LIN54: variants seen among roughly 807,000 people sequenced by gnomAD.
LIN54 encodes lin-54 DREAM MuvB core complex component.
Under a neutral mutation model 78.7 loss-of-function variants are expected in LIN54, and 9 were observed. That is an observed-to-expected ratio of 0.11 (90% CI 0.07 to 0.20). The LOEUF (loss-of-function observed/expected upper bound fraction) is 0.20. Among genes scored for constraint, LIN54 ranks in the 10% least tolerant of loss-of-function variants. The probability of loss-of-function intolerance (pLI) is 1.00; values close to 1 mark genes in which losing one functional copy is unlikely to be tolerated. For missense variants in LIN54, 573 were observed against 889.9 expected (o/e 0.64, Z 4.53); for synonymous variants, 269 against 318.4 (o/e 0.84, Z 1.65).
intron 1 of LIN54, among the ~76,000 whole-genome samples, chr4:82,990,073 C>CACCT (rs1226022251): frequency 1.3e-5 from 2 of 152,204 alleles, no homozygotes; most frequent in Non-Finnish European, 2.9e-5. Flanking sequence ...CCTTGCCCAC[C>CACCT]ACCTGGGTGA....
chr4:82,960,066 T>A (rs1724661891), intron 4 of LIN54, among the ~76,000 whole-genome samples: 1 of 152,212 alleles, frequency 6.6e-6, no homozygotes, highest in South Asian at 2.1e-4. Flanking sequence ...CAAAAAAGCT[T>A]TTTTACCAAA....
intron 2 of LIN54, among the ~76,000 whole-genome samples, chr4:82,980,606 C>T (rs935313176): frequency 2.0e-5 from 3 of 151,850 alleles, no homozygotes; most frequent in East Asian, 1.9e-4. Flanking sequence ...TAAAAACGGC[C>T]GACTTGCAAA....
chr4:83,011,142 T>C (rs534527851), upstream of LIN54, among the ~76,000 whole-genome samples: 4 of 152,354 alleles, frequency 2.6e-5, no homozygotes, highest in South Asian at 2.1e-4. Flanking sequence ...TTGAGAGAGA[T>C]GGTGGAATGC....
chr4:82,951,257 G>GGGTT lies in LIN54; in HGVS notation c.952-4784_952-4783insAACC, dbSNP rs1723820905. Among the ~76,000 whole-genome samples, 13 of 152,230 alleles carry GGGTT rather than the reference G, an allele frequency of 8.5e-5. No individual in the cohort carries two copies. In the South Asian group the frequency reaches 1.0e-3, roughly 12 times the overall value. On this transcript the variant is annotated intron_variant, in intron 4 of 12. Transcript: ENST00000340417. Reference sequence around the variant, plus strand: ...ATCTTAAGATGCACGAGAACATTCAGCACTGATGTATTGACTGGTGAAATA... The same window carrying GGGTT: ...ATCTTAAGATGCACGAGAACATTCAGGGTTCACTGATGTATTGACTGGTGAAATA...
intron 1 of LIN54, among the ~76,000 whole-genome samples, chr4:83,008,292 T>C (rs1729566524): frequency 6.6e-6 from 1 of 152,310 alleles, no homozygotes; most frequent in Non-Finnish European, 1.5e-5. Flanking sequence ...TTGAGGTTAT[T>C]TTATCCACTA....
chr4:82,936,197 G>A (rs1722379859), intron 10 of LIN54, 79 bp from the exon 11 acceptor site: 6 of 1,558,496 alleles, frequency 3.8e-6, no homozygotes, highest in Non-Finnish European at 4.4e-6. Context: ...AATTGATAAC[G>A]TTTCTTTGCA....
chr4:82,984,566 T>C lies in LIN54; in HGVS notation c.279A>G (p.Pro93=). The change falls in exon 2 of 13, where the codon CCA becomes CCG. Residue 93 remains proline (P), a synonymous_variant. Transcript: ENST00000340417. The stretch of plus-strand genomic sequence containing the variant: ...GTTTTTGAAGGCCACTTGGAAAAGC[T>C]GGTTTCACTGTGGTATTAGAATCTG... ...TKADSNTTVK[P]AFPSGLQKLG... 1 of 1,614,232 alleles carries C rather than the reference T, an allele frequency of 6.2e-7. No homozygotes were observed. The highest frequency in any genetic ancestry group is 8.5e-7 in the Non-Finnish European group (1 of 1,180,044).
intron 1 of LIN54, among the ~76,000 whole-genome samples, chr4:82,993,045 A>G (rs1224361305): frequency 1.3e-5 from 2 of 150,768 alleles, no homozygotes; most frequent in African/African-American, 2.4e-5. Flanking sequence ...AAAAAAAAAA[A>G]AGAAATGAGG....
upstream of LIN54, among the ~76,000 whole-genome samples, chr4:83,011,576 G>T (rs1729855583): frequency 1.4e-5 from 2 of 145,356 alleles, no homozygotes; most frequent in South Asian, 4.4e-4. Flanking sequence ...GTTTTTTTAG[G>T]ATCTAAGTCA....
intron 1 of LIN54, among the ~76,000 whole-genome samples, chr4:83,000,278 A>G (rs182190407): frequency 6.6e-6 from 1 of 152,250 alleles, no homozygotes; most frequent in Admixed American, 6.5e-5. Flanking sequence ...CACAAAAGGG[A>G]GCACCAGAAT....
chr4:82,978,771 A>T, intron 3 of LIN54, 112 bp downstream of exon 3: 3 of 588,324 alleles, frequency 5.1e-6, no homozygotes, highest in Non-Finnish European at 8.2e-6. Flanking sequence ...AGTCTGGTTT[A>T]TAATAATAAG....
Position 83,010,808 on chromosome 4 carries a change from C to G in LIN54, c.-357G>C. On this transcript the variant is annotated 5_prime_UTR_variant, in exon 1 of 13. Coordinates refer to ENST00000340417, the MANE Select transcript of LIN54 (RefSeq NM_194282.4). ...CAGCCGGAGCCCGGGCCGCCGCCGC[C>G]GCCGCCACCACCAGTAACCTCCCCC... 8.1e-7 allele frequency: 1 copy of G among 1,234,854 alleles called. No homozygotes were observed. Among genetic ancestry groups the G allele is most frequent in the Non-Finnish European group, 1.0e-6 (1 of 990,726 alleles). 76.5% of individuals were successfully genotyped at this position (1,234,854 alleles called of 1,614,324 possible). A position where few individuals can be genotyped will look rare whatever the true frequency, so the allele number is the denominator to read the frequency against.
intron 4 of LIN54, among the ~76,000 whole-genome samples, chr4:82,956,843 G>C (rs895134895): frequency 6.6e-6 from 1 of 151,798 alleles, no homozygotes; most frequent in Admixed American, 6.6e-5. Flanking sequence ...GGCTGGTCTC[G>C]AACTCTTGAG....
chr4:82,969,504 A>T (rs1001645297), intron 4 of LIN54, among the ~76,000 whole-genome samples: 1 of 152,178 alleles, frequency 6.6e-6, no homozygotes, highest in African/African-American at 2.4e-5. Flanking sequence ...ACCTTAATAA[A>T]CTGTATGAGA....
At chr4:82,930,793 A>C in intron 12 of LIN54, 150 bp downstream of exon 12, 1 of 681,720 alleles carries the variant, frequency 1.5e-6, no homozygotes, top group South Asian at 1.9e-5. Flanking sequence ...TGTTACCTTT[A>C]AATTCCTTTA....
At chr4:82,973,310 T>A (rs1222458015) in intron 3 of LIN54, among the ~76,000 whole-genome samples, 1 of 152,170 alleles carries the variant, frequency 6.6e-6, no homozygotes, top group Non-Finnish European at 1.5e-5. Flanking sequence ...ACCAAAATAT[T>A]TCTAGATTTC....
chr4:82,953,021 C>G (rs1723966417), intron 4 of LIN54, among the ~76,000 whole-genome samples: 1 of 152,186 alleles, frequency 6.6e-6, no homozygotes, highest in South Asian at 2.1e-4. Context: ...GTGGCCCAGC[C>G]TGGACAGCAG....
chr4:82,937,280 C>T lies in LIN54; in HGVS notation c.1551G>A (p.Ser517=), dbSNP rs369299740. 5.4e-5 allele frequency: 86 copies of T among 1,590,912 alleles called. No individual in the cohort carries two copies. Among genetic ancestry groups the T allele is most frequent in the Admixed American group, 4.7e-4 (28 of 59,916 alleles). Residue 517 remains serine (S), a synonymous_variant, in exon 9 of 13, where the codon TCG becomes TCA. Coordinates refer to ENST00000340417, the MANE Select transcript of LIN54 (RefSeq NM_194282.4). ...TACAGGGCTTTCGGGGCCGACTGGCCGACTCTGATGGGATTATGCTGTACA... is the reference window on the plus strand; with the variant it reads ...TACAGGGCTTTCGGGGCCGACTGGCTGACTCTGATGGGATTATGCTGTACA... ...LPFNGIIPSE[S]ASRPRKPCNC...
At chr4:82,932,086 A>G (rs888557298) in intron 11 of LIN54, among the ~76,000 whole-genome samples, 5 of 138,824 alleles carry the variant, frequency 3.6e-5, no homozygotes, top group Non-Finnish European at 7.8e-5. Context: ...AGGTCTGTGT[A>G]TTTTAATTTT....
Sources: allele counts gnomAD v4.1 joint callset (sites outside exome capture counted in the v4.1 genomes callset), GRCh38; gene constraint gnomAD v4.1.1; transcripts MANE v1.5; gene names NCBI Gene and HGNC (gene_info 2026-07-23, HGNC 2026-07-21).